Variants in MAPK10 observed in about 807,000 individuals in gnomAD.
MAPK10 encodes mitogen-activated protein kinase 10.
MAPK10 carries 25 observed loss-of-function variants against 59.3 expected under a neutral mutation model. That is an observed-to-expected ratio of 0.42 (90% CI 0.31 to 0.59). The LOEUF is 0.59. Ranked by LOEUF, MAPK10 falls within the 20% of genes least tolerant of loss-of-function variation. The pLI, the probability that MAPK10 is intolerant of heterozygous loss-of-function variation, is 0.15. For missense variants in MAPK10, 351 were observed against 568.9 expected, an observed-to-expected ratio of 0.62 and a Z score of 3.90; for synonymous variants, 190 against 200.5, an observed-to-expected ratio of 0.95 and a Z score of 0.44.
At position 86,333,865 on chromosome 4, in the gene MAPK10, G is replaced by C. The variant is rs114379610; in HGVS notation, c.-7+20665C>G. 6.1e-3 allele frequency among the ~76,000 whole-genome samples: 935 copies of C among 152,242 alleles called. 6 individuals are homozygous for C. Among genetic ancestry groups the C allele is most frequent in the African/African-American group, 0.02 (840 of 41,544 alleles). ...CACATAACACAGTGCCTGGCACATA[G>C]TAAGTGTCATATATGTTTTAACTTT... is the stretch of plus-strand genomic sequence containing the variant. On this transcript the variant is annotated intron_variant, in intron 2 of 13. Coordinates refer to ENST00000641462, the MANE Select transcript of MAPK10 (RefSeq NM_138982.4).
chr4:86,483,544 ATAAT>A (rs1029575282), intron 1 of MAPK10, among the ~76,000 whole-genome samples: 11 of 151,860 alleles, frequency 7.2e-5, no homozygotes, highest in Non-Finnish European at 1.2e-4. Flanking sequence ...ACATCACGCT[ATAAT>A]TAATAAATAA....
At chr4:86,382,261 G>A (rs1419992307) in intron 1 of MAPK10, among the ~76,000 whole-genome samples, 1 of 151,808 alleles carries the variant, frequency 6.6e-6, no homozygotes, top group African/African-American at 2.4e-5. Context: ...GTGGAAAGTG[G>A]ATTCGGAGAG....
chr4:86,577,769 T>C (rs1762008784), intron 1 of MAPK10, among the ~76,000 whole-genome samples: 1 of 152,052 alleles, frequency 6.6e-6, no homozygotes, highest in African/African-American at 2.4e-5. Context: ...AGGCTGAATA[T>C]TGACAAAATT....
intron 4 of MAPK10, among the ~76,000 whole-genome samples, chr4:86,111,768 T>A (rs1034094722): frequency 6.6e-6 from 1 of 152,226 alleles, no homozygotes; most frequent in Non-Finnish European, 1.5e-5. Flanking sequence ...GAGTCCCTCC[T>A]TTTCAATTGT....
intron 2 of MAPK10, among the ~76,000 whole-genome samples, chr4:86,255,315 A>G (rs112058413): frequency 0.018 from 2,718 of 152,248 alleles, 104 homozygotes; most frequent in African/African-American, 0.061. Context: ...CCCTGTGTCA[A>G]TGAATAAAGA....
intron 1 of MAPK10, among the ~76,000 whole-genome samples, chr4:86,501,117 A>G (rs1242207297): frequency 5.8e-5 from 2 of 34,660 alleles, no homozygotes; most frequent in Non-Finnish European, 8.4e-5. Flanking sequence ...ACGATCTGAA[A>G]AAAAAAAAAA....
chr4:86,073,981 G>A (rs2048630005), intron 9 of MAPK10, among the ~76,000 whole-genome samples: 1 of 99,412 alleles, frequency 1.0e-5, no homozygotes. Context: ...TCTGTCTAAT[G>A]TTGACAGTGG....
At chr4:86,511,621 A>C (rs1007784908) in intron 1 of MAPK10, among the ~76,000 whole-genome samples, 4 of 151,180 alleles carry the variant, frequency 2.6e-5, no homozygotes, top group Non-Finnish European at 5.9e-5. Context: ...AGAAGGAGGA[A>C]GAGGAAAGAA....
At chr4:86,385,395 G>A (rs1038426108) in intron 1 of MAPK10, among the ~76,000 whole-genome samples, 3 of 152,048 alleles carry the variant, frequency 2.0e-5, no homozygotes, top group African/African-American at 4.8e-5. Flanking sequence ...CTTTCCAAAG[G>A]AATTCTTTAC....
In MAPK10 at chr4:86,013,063, TAAGTA is replaced by T. The variant is rs1741865409; in HGVS notation, c.*4160_*4164del. The T allele has an allele frequency of 1.3e-5, 2 of 152,144 alleles. No individual in the cohort carries two copies. Among genetic ancestry groups the T allele is most frequent in the South Asian group, 4.1e-4 (2 of 4,826 alleles). The allele number at this position is 152,144 out of a possible 1,614,324, so 9.4% of individuals were successfully genotyped here. On this transcript the variant is annotated 3_prime_UTR_variant, in exon 14 of 14. Transcript: ENST00000641462. ...GAATATACTGGCCATTGGTCCCACA[TAAGTA>T]AAGTTACATATACAAGATTCTATAT...
At chr4:86,442,576 G>T (rs1564876123) in intron 1 of MAPK10, among the ~76,000 whole-genome samples, 2 of 152,152 alleles carry the variant, frequency 1.3e-5, no homozygotes, top group African/African-American at 2.4e-5. Context: ...CACAGAAGAA[G>T]AAATCACTAT....
At chr4:86,372,461 G>A (rs1013652630) in intron 1 of MAPK10, among the ~76,000 whole-genome samples, 13 of 150,332 alleles carry the variant, frequency 8.6e-5, no homozygotes, top group African/African-American at 2.2e-4. Flanking sequence ...AGGTTGCAGC[G>A]AGCTGAGATG....
rs189010282 is a variant in MAPK10, at chr4:86,131,471, G to C, written c.237-24119C>G. 2.0e-5 allele frequency among the ~76,000 whole-genome samples: 3 copies of C among 152,248 alleles called. No individual in the cohort carries two copies. In the East Asian group the frequency reaches 5.8e-4, roughly 29 times the overall value. ...AGTTAGGAATGGACCTACTTAGCTA[G>C]GGATTTATCCTAGCATCTGGACTAA... On this transcript the variant is annotated intron_variant, in intron 4 of 13. Transcript: ENST00000641462.
intron 1 of MAPK10, among the ~76,000 whole-genome samples, chr4:86,511,235 A>G (rs1658384369): frequency 6.6e-6 from 1 of 151,170 alleles, no homozygotes; most frequent in Non-Finnish European, 1.5e-5. Flanking sequence ...TGTAATCCCA[A>G]CATTTTGGGA....
At chr4:86,573,569 C>T (rs972461734) in intron 1 of MAPK10, among the ~76,000 whole-genome samples, 3 of 152,124 alleles carry the variant, frequency 2.0e-5, no homozygotes, top group South Asian at 2.1e-4. Flanking sequence ...TTTGCTTATA[C>T]GAGGTCCTTT....
chr4:86,377,218 G>C (rs1043265761), intron 1 of MAPK10, among the ~76,000 whole-genome samples: 1 of 152,178 alleles, frequency 6.6e-6, no homozygotes, highest in African/African-American at 2.4e-5. Flanking sequence ...AGACATCCAG[G>C]TTCTCTGTGG....
intron 1 of MAPK10, among the ~76,000 whole-genome samples, chr4:86,431,355 T>C (rs1477926327): frequency 6.6e-6 from 1 of 152,192 alleles, no homozygotes; most frequent in Non-Finnish European, 1.5e-5. Context: ...AATTAAACAT[T>C]AAAATGACTG....
chr4:86,197,458 G>A (rs996036352), intron 2 of MAPK10, among the ~76,000 whole-genome samples: 6 of 152,042 alleles, frequency 3.9e-5, no homozygotes, highest in African/African-American at 1.5e-4. Flanking sequence ...GGAGATTTGG[G>A]GCTGAGACAA....
chr4:86,061,906 C>T (rs961946193), intron 11 of MAPK10, among the ~76,000 whole-genome samples: 10 of 152,148 alleles, frequency 6.6e-5, no homozygotes, highest in African/African-American at 1.4e-4. Context: ...TTGTCAGCCC[C>T]GGCAGAAGAT....
Sources: gnomAD v4.1 joint callset for allele counts (sites outside exome capture counted in the v4.1 genomes callset) on GRCh38, gnomAD v4.1.1 for gene constraint, MANE v1.5 for transcripts, NCBI Gene and HGNC (gene_info 2026-07-23, HGNC 2026-07-21) for gene names.